RFTN2: variants seen among roughly 807,000 people sequenced by gnomAD.
The protein encoded by RFTN2 is raftlin family member 2.
A neutral mutation model predicts 52.7 loss-of-function variants in RFTN2; 34 were observed. That is an observed-to-expected ratio of 0.64 (90% confidence interval 0.49 to 0.86). The LOEUF is 0.86. Among genes scored for constraint, RFTN2 ranks in the 40% least tolerant of loss-of-function variants. RFTN2 has a pLI of 0.00. For missense variants in RFTN2, 536 were observed against 600.1 expected (o/e 0.89, Z 1.12); for synonymous variants, 203 against 217.7 (o/e 0.93, Z 0.59).
chr2:197,657,036 AT>A (rs1211942380), intron 1 of RFTN2, among the ~76,000 whole-genome samples: 8 of 105,798 alleles, frequency 7.6e-5, no homozygotes, highest in African/African-American at 1.8e-4. Flanking sequence ...AAAAAAAAAA[AT>A]TTTTTTTGGT....
Position 197,569,477 on chromosome 2 carries a change from CTT to C in RFTN2, c.*2529_*2530del. The C allele has an allele frequency of 6.6e-6, 1 of 152,136 alleles. No individual in the cohort carries two copies. The highest frequency in any genetic ancestry group is 1.9e-4 in the East Asian group (1 of 5,188). 9.4% of individuals were successfully genotyped at this position (152,136 alleles called of 1,614,324 possible). On this transcript the variant is annotated 3_prime_UTR_variant, in exon 9 of 9. Transcript: ENST00000295049. ...GCTATCATACAAATTCATCACATAA[CTT>C]AAGGGTAATTGTTGGAGCAAATGCT... is the stretch of plus-strand genomic sequence containing the variant.
chr2:197,666,249 T>A (rs991634136), intron 1 of RFTN2, among the ~76,000 whole-genome samples: 2 of 152,182 alleles, frequency 1.3e-5, no homozygotes, highest in African/African-American at 4.8e-5. Flanking sequence ...CATGCCTAGC[T>A]AATTTTTGTA....
chr2:197,624,213 AG>A (rs1296517083), intron 5 of RFTN2, among the ~76,000 whole-genome samples: 3 of 152,202 alleles, frequency 2.0e-5, no homozygotes, highest in African/African-American at 7.2e-5. Flanking sequence ...AAGCAATTGG[AG>A]GGTTTGAGAG....
intron 6 of RFTN2, 105 bp from the exon 7 acceptor site, chr2:197,616,084 T>A: frequency 3.1e-6 from 2 of 641,204 alleles, no homozygotes; most frequent in Non-Finnish European, 5.5e-6. Context: ...TTCACTTTCA[T>A]CCGCTGCAGC....
At chr2:197,609,096 G>T (rs919701366) in intron 7 of RFTN2, among the ~76,000 whole-genome samples, 1 of 152,156 alleles carries the variant, frequency 6.6e-6, no homozygotes, top group Admixed American at 6.6e-5. Flanking sequence ...ATAAACATAT[G>T]TGTGCGTGTG....
At position 197,617,818 on chromosome 2, in the gene RFTN2, T is replaced by A; in HGVS notation, c.1032A>T (p.Glu344Asp). The stretch of plus-strand genomic sequence containing the variant: ...AGCTCACCTCAATAACAGTCCATTG[T>A]TCTACTACGATGGCATCATTTCCTT... ...SRKGNDAIVVEQWTVIEGCEI... is the reference protein window; with the variant it reads ...SRKGNDAIVVDQWTVIEGCEI... The change falls in exon 6 of 9, where the codon GAA (glutamate) becomes GAT (aspartate). Residue 344 changes from glutamate to aspartate, a missense_variant. Glu to Asp is a conservative substitution (Grantham distance 45). Coordinates refer to ENST00000295049, the MANE Select transcript of RFTN2 (RefSeq NM_144629.3). The A allele has an allele frequency of 2.5e-6, 4 of 1,603,582 alleles. No individual in the cohort carries two copies. Among genetic ancestry groups the A allele is most frequent in the Non-Finnish European group, 3.4e-6 (4 of 1,173,274 alleles).
At chr2:197,674,339 CAAAAAAAAAAA>C (rs1222944678) in intron 1 of RFTN2, among the ~76,000 whole-genome samples, 1 of 34,266 alleles carries the variant, frequency 2.9e-5, no homozygotes, top group Non-Finnish European at 4.9e-5. Flanking sequence ...TAGAGCAAAG[CAAAAAAAAAAA>C]AAAAAAAAAA....
At chr2:197,671,480 CAT>C (rs1448097184) in intron 1 of RFTN2, among the ~76,000 whole-genome samples, 1 of 152,242 alleles carries the variant, frequency 6.6e-6, no homozygotes, top group Admixed American at 6.5e-5. Context: ...GACCATCACT[CAT>C]ATTCCAAACA....
At chr2:197,633,422 C>T (rs1227247690) in intron 4 of RFTN2, among the ~76,000 whole-genome samples, 1 of 152,142 alleles carries the variant, frequency 6.6e-6, no homozygotes, top group African/African-American at 2.4e-5. Context: ...ATTTGGTACA[C>T]ATGTACAGCC....
chr2:197,598,537 T>C (rs752673055), intron 7 of RFTN2, among the ~76,000 whole-genome samples: 5 of 152,158 alleles, frequency 3.3e-5, no homozygotes, highest in Admixed American at 2.0e-4. Context: ...GTAGGGATTG[T>C]TGGAGACCTT....
intron 3 of RFTN2, among the ~76,000 whole-genome samples, chr2:197,639,474 C>T (rs2088624339): frequency 6.7e-6 from 1 of 148,844 alleles, no homozygotes; most frequent in Non-Finnish European, 1.5e-5. Flanking sequence ...TCCCTTCTCA[C>T]TTCATTTCAT....
Position 197,589,092 on chromosome 2 carries a change from G to T in RFTN2, c.1233+6899C>A, listed in dbSNP as rs566801655. On this transcript the variant is annotated intron_variant, in intron 8 of 8. Transcript: ENST00000295049. Reference sequence around the variant, plus strand: ...AAAAATTAGCCAGGTGTGGTGCTACGCGCCTGTAATCCCAGCTACTCAGGA... The same window carrying T: ...AAAAATTAGCCAGGTGTGGTGCTACTCGCCTGTAATCCCAGCTACTCAGGA... Among the ~76,000 whole-genome samples, 350 of 151,646 alleles carry T rather than the reference G, an allele frequency of 2.3e-3. 1 individual carries two copies. The highest frequency in any genetic ancestry group is 8.1e-3 in the African/African-American group (333 of 41,346).
chr2:197,596,042 G>T lies in RFTN2; in HGVS notation c.1182C>A (p.Ile394=), dbSNP rs200737713. 33 of 1,611,396 alleles carry T rather than the reference G, an allele frequency of 2.0e-5. No homozygotes were observed. The highest frequency in any genetic ancestry group is 3.3e-4 in the Middle Eastern group (2 of 6,074). ...ACATAACTGGCCTCTGAAGGAATAC[G>T]ATCTGCTTTGTAGCCAAATTCCCTT... The part of the protein sequence containing the change: ...DSEGNLATKQ[I]VFLQRPVMWN... Residue 394 remains isoleucine (I), a synonymous_variant, in exon 8 of 9, where the codon ATC becomes ATA. Transcript: ENST00000295049.
intron 1 of RFTN2, among the ~76,000 whole-genome samples, chr2:197,659,876 A>T (rs1032100363): frequency 6.6e-6 from 1 of 152,214 alleles, no homozygotes; most frequent in African/African-American, 2.4e-5. Flanking sequence ...AAGGGAATAG[A>T]CTGTCAATCT....
intron 7 of RFTN2, among the ~76,000 whole-genome samples, chr2:197,609,780 G>C (rs2088026013): frequency 6.6e-6 from 1 of 152,110 alleles, no homozygotes; most frequent in Non-Finnish European, 1.5e-5. Flanking sequence ...AATCCATCTT[G>C]AGTTAATTTT....
At chr2:197,661,962 T>C (rs144054752) in intron 1 of RFTN2, among the ~76,000 whole-genome samples, 1 of 152,328 alleles carries the variant, frequency 6.6e-6, no homozygotes, top group East Asian at 1.9e-4. Flanking sequence ...TCTATTCATG[T>C]AATTTGCCCA....
chr2:197,630,860 A>G, intron 5 of RFTN2, 151 bp downstream of exon 5: 1 of 624,438 alleles, frequency 1.6e-6, no homozygotes. Context: ...TTTAAATTAA[A>G]GCTACATATC....
chr2:197,589,688 A>G (rs529229288), intron 8 of RFTN2, among the ~76,000 whole-genome samples: 1 of 151,890 alleles, frequency 6.6e-6, no homozygotes, highest in East Asian at 1.9e-4. Context: ...TCTTTTAATT[A>G]TTTTTTAACT....
chr2:197,635,657 G>A (rs1327963795), intron 3 of RFTN2, among the ~76,000 whole-genome samples: 14 of 149,832 alleles, frequency 9.3e-5, no homozygotes, highest in Non-Finnish European at 1.6e-4. Flanking sequence ...AGATGAGTAG[G>A]TTGTGAAAAT....
Sources: gnomAD v4.1 joint callset for allele counts (sites outside exome capture counted in the v4.1 genomes callset) on GRCh38, gnomAD v4.1.1 for gene constraint, MANE v1.5 for transcripts, NCBI Gene and HGNC (gene_info 2026-07-23, HGNC 2026-07-21) for gene names.